Variants in PCDHGB5 observed in about 807,000 individuals in gnomAD.
PCDHGB5 encodes the protein protocadherin gamma subfamily B, 5.
PCDHGB5 carries 48 observed loss-of-function variants against 62.9 expected under a neutral mutation model. That is an observed-to-expected ratio of 0.76 (90% CI 0.61 to 0.97). The LOEUF is 0.97. Among genes scored for constraint, PCDHGB5 ranks in the 50% least tolerant of loss-of-function variants. The pLI is 0.00. For synonymous variants in PCDHGB5, 474 were observed against 511.2 expected, an observed-to-expected ratio of 0.93 and a Z score of 0.98; for missense variants, 1,118 against 1,198.6, an observed-to-expected ratio of 0.93 and a Z score of 0.99.
In PCDHGB5 at chr5:141,485,578, G is replaced by A; in HGVS notation, c.2398-9229G>A. ...ATGATCACGCCCCCCGTTTTCCGCG[G>A]CAGCAGCTGGACTTGGAAATTGGGG... is the stretch of plus-strand genomic sequence containing the variant. On this transcript the variant is annotated intron_variant, in intron 1 of 3. Transcript: ENST00000617380. This position sits in a 1 kb window ranked among gnomAD's most constrained non-coding sequence, Gnocchi z 5.7. 6.2e-7 allele frequency: 1 copy of A among 1,612,362 alleles called. No homozygotes were observed. Among genetic ancestry groups the A allele is most frequent in the Non-Finnish European group, 8.5e-7 (1 of 1,178,688 alleles).
chr5:141,494,306 T>G (rs1432951954), intron 1 of PCDHGB5, among the ~76,000 whole-genome samples: 1 of 152,212 alleles, frequency 6.6e-6, no homozygotes, highest in Non-Finnish European at 1.5e-5. Flanking sequence ...AATGTGTCAC[T>G]GCACAACCTG....
chr5:141,501,412 T>C (rs1479005426), intron 2 of PCDHGB5, among the ~76,000 whole-genome samples: 7 of 151,550 alleles, frequency 4.6e-5, no homozygotes, highest in African/African-American at 1.7e-4. Context: ...GCTTGGAAAA[T>C]AGTTGACTAA....
chr5:141,504,752 A>G (rs1194764381), intron 2 of PCDHGB5, among the ~76,000 whole-genome samples: 23 of 151,894 alleles, frequency 1.5e-4, no homozygotes, highest in Non-Finnish European at 3.2e-4. Flanking sequence ...TGAATTTTAG[A>G]AATTTCTTCT....
intron 1 of PCDHGB5, among the ~76,000 whole-genome samples, chr5:141,465,319 T>A (rs184635197): frequency 4.6e-5 from 7 of 152,324 alleles, no homozygotes; most frequent in Admixed American, 1.3e-4. Flanking sequence ...GCCATGTCAA[T>A]GCAGTATTTT....
Position 141,432,880 on chromosome 5 carries a change from C to T in PCDHGB5, c.2397+32356C>T, listed in dbSNP as rs865848752. ...CGGTCTCCTGCGTCTTCCTGGCCTT[C>T]GTCATCTTGCTGCTGGCGCTCAGGC... On this transcript the variant is annotated intron_variant, in intron 1 of 3. Transcript: ENST00000617380. The surrounding 1 kb of genome is among the most constrained non-coding windows in gnomAD (Gnocchi z 6.0). 1 of 1,614,194 alleles carries T rather than the reference C, an allele frequency of 6.2e-7. No individual in the cohort carries two copies. Among genetic ancestry groups the T allele is most frequent in the Non-Finnish European group, 8.5e-7 (1 of 1,180,008 alleles).
chr5:141,503,075 G>A (rs1373753092), intron 2 of PCDHGB5, among the ~76,000 whole-genome samples: 1 of 151,438 alleles, frequency 6.6e-6, no homozygotes, highest in African/African-American at 2.4e-5. Context: ...GAATGGTCTC[G>A]ATCTCCTGAC....
chr5:141,445,276 C>T (rs761058385), intron 1 of PCDHGB5, among the ~76,000 whole-genome samples: 1 of 152,218 alleles, frequency 6.6e-6, no homozygotes, highest in Non-Finnish European at 1.5e-5. Flanking sequence ...AACCACTCTG[C>T]ATAAGTTCAG....
At position 141,511,237 on chromosome 5, in the gene PCDHGB5, TG is replaced by T; in HGVS notation, c.*65del. 1 of 1,590,378 alleles carries T rather than the reference TG, an allele frequency of 6.3e-7. No individual in the cohort carries two copies. Among genetic ancestry groups the T allele is most frequent in the Non-Finnish European group, 8.6e-7 (1 of 1,168,304 alleles). On this transcript the variant is annotated 3_prime_UTR_variant, in exon 4 of 4. Transcript: ENST00000617380. ...CCAACCAGCCCAGCTTCTCCTTACC[TG>T]CACCCAGGCCTCAGAGTTTCAGGGC...
intron 1 of PCDHGB5, chr5:141,430,857 A>T: frequency 6.3e-7 from 1 of 1,591,434 alleles, no homozygotes; most frequent in Non-Finnish European, 8.5e-7. Flanking sequence ...CAGATACGCT[A>T]TTCAGTTCCG....
intron 1 of PCDHGB5, among the ~76,000 whole-genome samples, chr5:141,444,175 TTTTTTTTTTTTTTG>T (rs2098423325): frequency 7.6e-6 from 1 of 131,192 alleles, no homozygotes; most frequent in African/African-American, 3.0e-5. Flanking sequence ...TTTTTTTTTT[TTTTTTTTTTTTTTG>T]AGATGGAGTT....
chr5:141,419,243 C>T (rs959206942), intron 1 of PCDHGB5: 2 of 1,613,998 alleles, frequency 1.2e-6, no homozygotes, highest in East Asian at 4.5e-5. Flanking sequence ...GGTCCACGTG[C>T]CAGAAAACAA....
chr5:141,466,746 T>C (rs1035272591), intron 1 of PCDHGB5, among the ~76,000 whole-genome samples: 1 of 152,224 alleles, frequency 6.6e-6, no homozygotes, highest in African/African-American at 2.4e-5. Context: ...GTTACTCTGA[T>C]AGGGGCTCTT....
chr5:141,503,221 C>T (rs528636727), intron 2 of PCDHGB5, among the ~76,000 whole-genome samples: 34 of 152,074 alleles, frequency 2.2e-4, no homozygotes, highest in Middle Eastern at 6.8e-3. Flanking sequence ...CCATGAGCAC[C>T]GTAAAGATGG....
chr5:141,431,127 T>C lies in PCDHGB5; in HGVS notation c.2397+30603T>C, dbSNP rs1455709617. ...AAAATATATGGAGTAGAAGTAGAAG[T>C]AAGGGACATTAACGACAATGCGCCT... On this transcript the variant is annotated intron_variant, in intron 1 of 3. Transcript: ENST00000617380. This position sits in a 1 kb window ranked among gnomAD's most constrained non-coding sequence, Gnocchi z 4.8. 1 of 1,614,176 alleles carries C rather than the reference T, an allele frequency of 6.2e-7. No individual in the cohort carries two copies. Among genetic ancestry groups the C allele is most frequent in the East Asian group, 2.2e-5 (1 of 44,878 alleles).
At chr5:141,418,878 A>G (rs1193526475) in intron 1 of PCDHGB5, 2 of 1,613,930 alleles carry the variant, frequency 1.2e-6, no homozygotes, top group Non-Finnish European at 8.5e-7. Context: ...GTTGTAGACG[A>G]AAACGACAAC....
intron 1 of PCDHGB5, chr5:141,417,887 C>A: frequency 6.4e-7 from 1 of 1,564,888 alleles, no homozygotes; most frequent in Non-Finnish European, 8.7e-7. Context: ...GCAGAGGCGC[C>A]GGGCCGGCCC....
intron 2 of PCDHGB5, among the ~76,000 whole-genome samples, chr5:141,497,614 A>C (rs1377740795): frequency 6.8e-6 from 1 of 146,530 alleles, no homozygotes; most frequent in African/African-American, 2.6e-5. Context: ...ATCTTGGCTC[A>C]CTGCAACCTC....
chr5:141,413,865 C>A, intron 1 of PCDHGB5: 2 of 1,613,388 alleles, frequency 1.2e-6, no homozygotes, highest in Non-Finnish European at 1.7e-6. Context: ...CTGGCACTGT[C>A]CTTGTCAGTG....
intron 1 of PCDHGB5, chr5:141,428,180 C>G (rs780780274): frequency 1.3e-6 from 2 of 1,486,274 alleles, no homozygotes; most frequent in East Asian, 2.3e-5. Flanking sequence ...TGACGGAGGA[C>G]AGCCGCCGCT....
Sources: allele counts gnomAD v4.1 joint callset (sites outside exome capture counted in the v4.1 genomes callset), GRCh38; gene constraint gnomAD v4.1.1; non-coding constraint Gnocchi (gnomAD v3.1); transcripts MANE v1.5; gene names NCBI Gene and HGNC (gene_info 2026-07-23, HGNC 2026-07-21).